NPVF: variants seen among roughly 807,000 people sequenced by gnomAD.
The protein encoded by NPVF is neuropeptide VF precursor, also known as pro-FMRFamide-related neuropeptide VF.
Under a neutral mutation model 15.7 loss-of-function variants are expected in NPVF, and 17 were observed. The observed-to-expected ratio is 1.08, with a 90% CI of 0.74 to 1.62. The LOEUF (loss-of-function observed/expected upper bound fraction) is 1.62. Ranked by LOEUF, NPVF falls within the 40% of genes most tolerant of loss-of-function variation. The probability of loss-of-function intolerance (pLI) is 0.00; values close to 1 mark genes in which losing one functional copy is unlikely to be tolerated. For synonymous variants in NPVF, 70 were observed against 80.1 expected (o/e 0.87, Z 0.67); for missense variants, 270 against 225.2 (o/e 1.20, Z -1.27).
chr7:25,226,603 T>A lies in NPVF; in HGVS notation c.539+23A>T, dbSNP rs532511538. 1.9e-6 allele frequency: 3 copies of A among 1,607,150 alleles called. No individual in the cohort carries two copies. The African/African-American group carries it at 4.0e-5, about 21-fold the overall frequency. On this transcript the variant is annotated intron_variant, in intron 2 of 2. Coordinates refer to ENST00000222674, the MANE Select transcript of NPVF (RefSeq NM_022150.3). ...ACCTCTATATAACTGCCCATGCACT[T>A]TGACTGGTTTCCAGGTATTTACCTT...
intron 1 of NPVF, among the ~76,000 whole-genome samples, chr7:25,227,963 T>C (rs1783152266): frequency 6.6e-6 from 1 of 152,222 alleles, no homozygotes; most frequent in African/African-American, 2.4e-5. Flanking sequence ...TTGTTTGTAG[T>C]TTAAAACAAT....
chr7:25,225,863 G>A (rs1783119010), intron 2 of NPVF, among the ~76,000 whole-genome samples: 1 of 151,728 alleles, frequency 6.6e-6, no homozygotes. Flanking sequence ...GGGATTTGTA[G>A]GACTGAAATT....
rs188612510 is a variant in NPVF at position 25,227,784 on chromosome 7, A to G, written c.138+518T>C. Among the ~76,000 whole-genome samples the G allele has an allele frequency of 9.8e-5, 15 of 152,362 alleles. No individual in the cohort carries two copies. In the East Asian group the frequency reaches 2.7e-3, roughly 27 times the overall value. On this transcript the variant is annotated intron_variant, in intron 1 of 2. Transcript: ENST00000222674. ...ATTGTTTTCTGATTATCCCTTGAGT[A>G]AAATGAGTATACACGCTAATTTCAT...
Position 25,225,922 on chromosome 7 carries a change from A to G in NPVF, c.539+704T>C, listed in dbSNP as rs116958276. On this transcript the variant is annotated intron_variant, in intron 2 of 2. Transcript: ENST00000222674. ...ATATATGTCAGATGGGATAAGTACC[A>G]TGGAAAAGAACAAACCTGGAGTGTC... Among the ~76,000 whole-genome samples the G allele has an allele frequency of 9.1e-3, 1,391 of 152,240 alleles. 35 individuals carry two copies. The highest frequency in any genetic ancestry group is 0.078 in the East Asian group (406 of 5,176).
chr7:25,228,404 C>T lies in NPVF; in HGVS notation c.36G>A (p.Leu12=). 6.3e-7 allele frequency: 1 copy of T among 1,586,778 alleles called. No homozygotes were observed. The highest frequency in any genetic ancestry group is 8.6e-7 in the Non-Finnish European group (1 of 1,156,692). Reference sequence around the variant, plus strand: ...TTAACAAGCTTGAAGTGGCTAAAGTCAATAAAATGAATAGTTTTGATGAAA... The same window carrying T: ...TTAACAAGCTTGAAGTGGCTAAAGTTAATAAAATGAATAGTTTTGATGAAA... The part of the protein sequence containing the change: ...EIISSKLFIL[L]TLATSSLLTS... The change falls in exon 1 of 3, where the codon TTG becomes TTA. Residue 12 remains leucine (L), a synonymous_variant. Transcript: ENST00000222674.
chr7:25,227,474 A>T (rs1447267200), intron 1 of NPVF, among the ~76,000 whole-genome samples: 2 of 152,198 alleles, frequency 1.3e-5, no homozygotes, highest in African/African-American at 4.8e-5. Flanking sequence ...GAAACACGGT[A>T]CATCAAAACA....
Position 25,225,574 on chromosome 7 carries a change from C to G in NPVF, c.540-401G>C, listed in dbSNP as rs572202495. 2.8e-4 allele frequency among the ~76,000 whole-genome samples: 42 copies of G among 152,342 alleles called. 1 individual carries two copies. The highest frequency in any genetic ancestry group is 1.9e-3 in the Admixed American group (29 of 15,310). ...ACTTCTTTCCTCTCTTCTTCACATC[C>G]TTTTTGCTCTTGCCAAAGGGCGCCT... On this transcript the variant is annotated intron_variant, in intron 2 of 2. Transcript: ENST00000222674.
chr7:25,227,049 C>T (rs752616741), intron 1 of NPVF, 23 bp from the exon 2 acceptor site: 3 of 1,570,638 alleles, frequency 1.9e-6, no homozygotes, highest in South Asian at 1.2e-5. Context: ...ATGACCATTA[C>T]AATAACATAC....
In NPVF at chr7:25,224,572, T is replaced by C. The variant is rs1320599770; in HGVS notation, c.*550A>G. 1 of 152,314 alleles carries C rather than the reference T, an allele frequency of 6.6e-6. No homozygotes were observed. Among genetic ancestry groups the C allele is most frequent in the Non-Finnish European group, 1.5e-5 (1 of 68,094 alleles). 9.4% of individuals were successfully genotyped at this position (152,314 alleles called of 1,614,324 possible). ...AAAGAGGTAACTCATAGTTGCCTTT[T>C]TCTTTTCTCCCTAAAGTCTAAGAGT... On this transcript the variant is annotated 3_prime_UTR_variant, in exon 3 of 3. Coordinates refer to ENST00000222674, the MANE Select transcript of NPVF (RefSeq NM_022150.3).
chr7:25,224,580 TC>T lies in NPVF; in HGVS notation c.*541del, dbSNP rs1783101090. Reference sequence around the variant, plus strand: ...AACTCATAGTTGCCTTTTTCTTTTCTCCCTAAAGTCTAAGAGTTTTTATTTT... The same window carrying T: ...AACTCATAGTTGCCTTTTTCTTTTCTCCTAAAGTCTAAGAGTTTTTATTTT... On this transcript the variant is annotated 3_prime_UTR_variant, in exon 3 of 3. Coordinates refer to ENST00000222674, the MANE Select transcript of NPVF (RefSeq NM_022150.3). The T allele has an allele frequency of 6.6e-6, 1 of 152,262 alleles. No individual in the cohort carries two copies. Among genetic ancestry groups the T allele is most frequent in the Admixed American group, 6.5e-5 (1 of 15,280 alleles). 9.4% of individuals were successfully genotyped at this position (152,262 alleles called of 1,614,324 possible). A position where few individuals can be genotyped will look rare whatever the true frequency, so the allele number is the denominator to read the frequency against.
chr7:25,228,388 T>A lies in NPVF; in HGVS notation c.52A>T (p.Ser18Cys), dbSNP rs764054856. The stretch of plus-strand genomic sequence containing the variant: ...CAAAAAATGTTTGATGTTAACAAGC[T>A]TGAAGTGGCTAAAGTCAATAAAATG... Reference protein sequence around the residue: ...LFILLTLATSSLLTSNIFCAD... With the variant: ...LFILLTLATSCLLTSNIFCAD... Residue 18 changes from serine (S) to cysteine (C), a missense_variant, in exon 1 of 3, where the codon AGC becomes TGC. Physicochemically the swap from Ser to Cys is moderately radical, Grantham distance 112. Transcript: ENST00000222674. 5 of 1,581,966 alleles carry A rather than the reference T, an allele frequency of 3.2e-6. No homozygotes were observed. The highest frequency in any genetic ancestry group is 4.3e-6 in the Non-Finnish European group (5 of 1,151,646).
intron 2 of NPVF, 97 bp from the exon 3 acceptor site, chr7:25,225,270 A>T (rs527375669): frequency 1.1e-6 from 1 of 937,684 alleles, no homozygotes; most frequent in African/African-American, 1.7e-5. Flanking sequence ...GCCTAATTAT[A>T]CTTGAGTTGA....
At chr7:25,225,809 C>G (rs1201702971) in intron 2 of NPVF, among the ~76,000 whole-genome samples, 4 of 152,166 alleles carry the variant, frequency 2.6e-5, no homozygotes, top group African/African-American at 9.7e-5. Flanking sequence ...ATGTGGTAGA[C>G]ACAGTTCTTA....
intron 1 of NPVF, among the ~76,000 whole-genome samples, chr7:25,227,439 TC>T (rs1343961005): frequency 2.6e-5 from 4 of 152,184 alleles, no homozygotes; most frequent in Non-Finnish European, 1.5e-5. Flanking sequence ...TTCATGTTTC[TC>T]TTTAAAGGCC....
Position 25,226,843 on chromosome 7 carries a change from G to T in NPVF, c.322C>A (p.Leu108Met), listed in dbSNP as rs1486086705. Residue 108 changes from leucine (L) to methionine (M), a missense_variant, in exon 2 of 3, where the codon CTG becomes ATG. Transcript: ENST00000222674. Reference protein sequence around the residue: ...EERSAGATANLPLRSGRNMEV... With the variant: ...EERSAGATANMPLRSGRNMEV... ...ATATTTCTTCCAGATCTCAGAGGCAGGTTGGCTGTTGCTCCAGCACTTCTT... is the reference window on the plus strand; with the variant it reads ...ATATTTCTTCCAGATCTCAGAGGCATGTTGGCTGTTGCTCCAGCACTTCTT... The T allele has an allele frequency of 2.5e-6, 4 of 1,614,222 alleles. No homozygotes were observed. Among genetic ancestry groups the T allele is most frequent in the Middle Eastern group, 1.6e-4 (1 of 6,062 alleles).
chr7:25,226,323 G>A (rs962028759), intron 2 of NPVF, among the ~76,000 whole-genome samples: 5 of 152,140 alleles, frequency 3.3e-5, no homozygotes, highest in Non-Finnish European at 7.4e-5. Flanking sequence ...GAGGTCCAGC[G>A]TTTAGACAAT....
chr7:25,225,487 G>A (rs1052708361), intron 2 of NPVF, among the ~76,000 whole-genome samples: 2 of 152,156 alleles, frequency 1.3e-5, no homozygotes, highest in East Asian at 1.9e-4. Flanking sequence ...GATGAATGAC[G>A]CCCCAAGTCC....
rs907576296 is a variant in NPVF at position 25,225,073 on chromosome 7, G to C, written c.*49C>G. On this transcript the variant is annotated 3_prime_UTR_variant, in exon 3 of 3. Coordinates refer to ENST00000222674, the MANE Select transcript of NPVF (RefSeq NM_022150.3). ...TCTTCCGTGTGGTCTTCGCTATAGA[G>C]CCATTTGTAGATTACAGGCCACAGC... 6 of 1,528,154 alleles carry C rather than the reference G, an allele frequency of 3.9e-6. No individual in the cohort carries two copies. The African/African-American group carries it at 8.3e-5, about 21-fold the overall frequency. The allele number at this position is 1,528,154 out of a possible 1,614,324, so 94.7% of individuals were successfully genotyped here.
At chr7:25,225,601 G>A (rs935522620) in intron 2 of NPVF, among the ~76,000 whole-genome samples, 1 of 152,148 alleles carries the variant, frequency 6.6e-6, no homozygotes, top group African/African-American at 2.4e-5. Context: ...AGGGCGCCTC[G>A]GCTGTTCTTG....
Sources: gnomAD v4.1 joint callset for allele counts (sites outside exome capture counted in the v4.1 genomes callset) on GRCh38, gnomAD v4.1.1 for gene constraint, MANE v1.5 for transcripts, NCBI Gene and HGNC (gene_info 2026-07-23, HGNC 2026-07-21) for gene names.